IFFO2: variants seen among roughly 807,000 people sequenced by gnomAD.
IFFO2 encodes intermediate filament family orphan 2.
Under a neutral mutation model 53.5 loss-of-function variants are expected in IFFO2, and 19 were observed. That is an observed-to-expected ratio of 0.36 (90% CI 0.25 to 0.52). IFFO2 has a LOEUF of 0.52. Ranked by LOEUF, IFFO2 falls within the 20% of genes least tolerant of loss-of-function variation. The pLI, the probability that IFFO2 is intolerant of heterozygous loss-of-function variation, is 0.94. For synonymous variants in IFFO2, 303 were observed against 313.6 expected (o/e 0.97, Z 0.36); for missense variants, 570 against 727.4 (o/e 0.78, Z 2.49).
At chr1:18,938,687 G>A (rs1936480721) in intron 1 of IFFO2, among the ~76,000 whole-genome samples, 1 of 152,160 alleles carries the variant, frequency 6.6e-6, no homozygotes, top group Non-Finnish European at 1.5e-5. Flanking sequence ...CCACACCAGG[G>A]ACTGAGACTC....
chr1:18,955,820 G>C lies in IFFO2; in HGVS notation c.513C>G (p.Gly171=), dbSNP rs773950966. 1.3e-6 allele frequency: 2 copies of C among 1,519,578 alleles called. No homozygotes were observed. The highest frequency in any genetic ancestry group is 1.8e-6 in the Non-Finnish European group (2 of 1,140,828). 94.1% of individuals were successfully genotyped at this position (1,519,578 alleles called of 1,614,324 possible). Reference sequence around the variant, plus strand: ...CCTGCACGGTCTCCACGCCGCCGCCGCCCGTGCGCCGCACCTGCGTGTAGC... The same window carrying C: ...CCTGCACGGTCTCCACGCCGCCGCCCCCCGTGCGCCGCACCTGCGTGTAGC... The part of the protein sequence containing the change: ...IWSYTQVRRT[G]GGGVETVQGP... The change falls in exon 1 of 9, where the codon GGC becomes GGG. Residue 171 remains glycine (G), a synonymous_variant. Coordinates refer to ENST00000455833, the MANE Select transcript of IFFO2 (RefSeq NM_001136265.2).
intron 1 of IFFO2, among the ~76,000 whole-genome samples, chr1:18,926,046 TGGATGGATTGGTTGGATGGA>T (rs1936288928): frequency 1.9e-5 from 2 of 103,960 alleles, no homozygotes; most frequent in African/African-American, 8.4e-5. Context: ...GATGGATGGA[TGGATGGATTGGTTGGATGGA>T]TGGATGGATG....
At chr1:18,909,094 C>G (rs529925183) in intron 8 of IFFO2, among the ~76,000 whole-genome samples, 1 of 151,814 alleles carries the variant, frequency 6.6e-6, no homozygotes, top group Non-Finnish European at 1.5e-5. Flanking sequence ...TTGGGCAAAC[C>G]GTTTAACCTG....
In IFFO2 at chr1:18,942,040, G is replaced by A. The variant is rs530056991; in HGVS notation, c.665+13628C>T. Among the ~76,000 whole-genome samples, 20 of 152,380 alleles carry A rather than the reference G, an allele frequency of 1.3e-4. No homozygotes were observed. The South Asian group carries it at 4.1e-3, about 32-fold the overall frequency. On this transcript the variant is annotated intron_variant, in intron 1 of 8. Transcript: ENST00000455833. ...GCTGCCCAGGCGGCTCTACCGGGGA[G>A]AGGAAGTGCTCAGAACACAAAAGGC...
chr1:18,948,893 C>G (rs969800917), intron 1 of IFFO2, among the ~76,000 whole-genome samples: 30 of 152,310 alleles, frequency 2.0e-4, no homozygotes, highest in South Asian at 2.1e-4. Context: ...TGTAGCTAGG[C>G]GAGCCTGTCT....
At chr1:18,926,587 G>A (rs919044875) in intron 1 of IFFO2, among the ~76,000 whole-genome samples, 1 of 152,208 alleles carries the variant, frequency 6.6e-6, no homozygotes, top group South Asian at 2.1e-4. Context: ...ACCCCAGCCA[G>A]ATGTGGTCTC....
Position 18,917,720 on chromosome 1 carries a change from C to T in IFFO2, c.963+642G>A, listed in dbSNP as rs989393399. Among the ~76,000 whole-genome samples the T allele has an allele frequency of 2.6e-5, 4 of 152,102 alleles. No individual in the cohort carries two copies. The highest frequency in any genetic ancestry group is 9.7e-5 in the African/African-American group (4 of 41,410). ...AACCCGAAACTCAAGAAGCAGCCTT[C>T]GGAGAATGACATGTGCCTCATTCGG... On this transcript the variant is annotated intron_variant, in intron 4 of 8. Transcript: ENST00000455833. The surrounding 1 kb of genome is among the most constrained non-coding windows in gnomAD (Gnocchi z 5.9).
In IFFO2 at chr1:18,908,529, C is replaced by T. The variant is rs1011418546; in HGVS notation, c.*32G>A. On this transcript the variant is annotated 3_prime_UTR_variant, in exon 9 of 9. Coordinates refer to ENST00000455833, the MANE Select transcript of IFFO2 (RefSeq NM_001136265.2). ...GAGGAGAGGTGGCAGGGCCCCATCA[C>T]CAAGACCACCAGGCTCGCAGGGCCT... 8 of 1,504,598 alleles carry T rather than the reference C, an allele frequency of 5.3e-6. No individual in the cohort carries two copies. The African/African-American group carries it at 1.1e-4, about 21-fold the overall frequency. The allele number at this position is 1,504,598 out of a possible 1,614,324, so 93.2% of individuals were successfully genotyped here. A position where few individuals can be genotyped will look rare whatever the true frequency, so the allele number is the denominator to read the frequency against.
chr1:18,910,898 C>G (rs1005377152), intron 7 of IFFO2, among the ~76,000 whole-genome samples: 10 of 152,244 alleles, frequency 6.6e-5, no homozygotes, highest in Non-Finnish European at 1.0e-4. Flanking sequence ...CAATGACTAT[C>G]GTTTATAGAA....
chr1:18,907,591 G>A lies in IFFO2; in HGVS notation c.*970C>T, dbSNP rs765521019. On this transcript the variant is annotated 3_prime_UTR_variant, in exon 9 of 9. Coordinates refer to ENST00000455833, the MANE Select transcript of IFFO2 (RefSeq NM_001136265.2). ...GAGGGAAGAACATCAAGTTATCAGG[G>A]AAATCAAGGATCCCTCCGCCCCCGC... 6 of 152,352 alleles carry A rather than the reference G, an allele frequency of 3.9e-5. No homozygotes were observed. Among genetic ancestry groups the A allele is most frequent in the Admixed American group, 6.5e-5 (1 of 15,298 alleles). 9.4% of individuals were successfully genotyped at this position (152,352 alleles called of 1,614,324 possible).
intron 5 of IFFO2, among the ~76,000 whole-genome samples, chr1:18,913,084 CCCATTG>C (rs1936064735): frequency 6.6e-6 from 1 of 152,236 alleles, no homozygotes; most frequent in South Asian, 2.1e-4. Flanking sequence ...CAGGGCTCTC[CCCATTG>C]CCTGCCCTCC....
At chr1:18,952,354 G>C (rs1004603593) in intron 1 of IFFO2, among the ~76,000 whole-genome samples, 1 of 152,140 alleles carries the variant, frequency 6.6e-6, no homozygotes, top group Admixed American at 6.5e-5. Context: ...CCAGGCCAGG[G>C]GCTCTGGTTT....
chr1:18,954,169 G>C (rs549482063), intron 1 of IFFO2, among the ~76,000 whole-genome samples: 1 of 152,360 alleles, frequency 6.6e-6, no homozygotes, highest in African/African-American at 2.4e-5. Context: ...CCCCCAGGAA[G>C]CTAGGCGCCA....
At chr1:18,950,215 C>T (rs1413248425) in intron 1 of IFFO2, among the ~76,000 whole-genome samples, 1 of 152,228 alleles carries the variant, frequency 6.6e-6, no homozygotes, top group African/African-American at 2.4e-5. Flanking sequence ...CAGCCGTTCT[C>T]CCTCCACCCC....
intron 7 of IFFO2, 133 bp from the exon 8 acceptor site, chr1:18,910,605 C>G: frequency 9.8e-7 from 1 of 1,023,100 alleles, no homozygotes; most frequent in Non-Finnish European, 1.4e-6. Flanking sequence ...CATCAGGACC[C>G]TGCCTCCGGA....
rs1036765796 is a variant in IFFO2, at chr1:18,947,580, C to T, written c.665+8088G>A. On this transcript the variant is annotated intron_variant, in intron 1 of 8. Coordinates refer to ENST00000455833, the MANE Select transcript of IFFO2 (RefSeq NM_001136265.2). This position sits in a 1 kb window ranked among gnomAD's most constrained non-coding sequence, Gnocchi z 5.0. ...CGGTTTCCATCCTGCAGTGCCACCA[C>T]CGGGTTTAAATGAGACCGCGTGGAA... is the stretch of plus-strand genomic sequence containing the variant. Among the ~76,000 whole-genome samples, 1 of 152,146 alleles carries T rather than the reference C, an allele frequency of 6.6e-6. No individual in the cohort carries two copies. Among genetic ancestry groups the T allele is most frequent in the African/African-American group, 2.4e-5 (1 of 41,414 alleles).
chr1:18,913,391 C>T (rs1308425603), intron 5 of IFFO2, among the ~76,000 whole-genome samples: 1 of 152,240 alleles, frequency 6.6e-6, no homozygotes. Context: ...GACTTCACTT[C>T]CTTCCCAGCG....
At chr1:18,934,053 A>C (rs1433146079) in intron 1 of IFFO2, among the ~76,000 whole-genome samples, 3 of 47,770 alleles carry the variant, frequency 6.3e-5, no homozygotes, top group African/African-American at 2.5e-4. Context: ...TATTTCTCTT[A>C]TTTCTTTTTT....
At position 18,918,601 on chromosome 1, in the gene IFFO2, G is replaced by T; in HGVS notation, c.823-99C>A. 7.8e-7 allele frequency: 1 copy of T among 1,280,350 alleles called. No individual in the cohort carries two copies. Among genetic ancestry groups the T allele is most frequent in the Non-Finnish European group, 1.1e-6 (1 of 919,694 alleles). 79.3% of individuals were successfully genotyped at this position (1,280,350 alleles called of 1,614,324 possible). Reference sequence around the variant, plus strand: ...AGACCCCTAGGTGTCAGCAGGGGTGGTGCGGGGAGGCCTCCAGAGTCCGAG... The same window carrying T: ...AGACCCCTAGGTGTCAGCAGGGGTGTTGCGGGGAGGCCTCCAGAGTCCGAG... On this transcript the variant is annotated intron_variant, in intron 3 of 8. Coordinates refer to ENST00000455833, the MANE Select transcript of IFFO2 (RefSeq NM_001136265.2). The surrounding 1 kb of genome is among the most constrained non-coding windows in gnomAD (Gnocchi z 5.2).
Sources: gnomAD v4.1 joint callset for allele counts (sites outside exome capture counted in the v4.1 genomes callset) on GRCh38, gnomAD v4.1.1 for gene constraint, Gnocchi (gnomAD v3.1) non-coding constraint, MANE v1.5 for transcripts, NCBI Gene and HGNC (gene_info 2026-07-23, HGNC 2026-07-21) for gene names.